Variants in DDC observed in about 807,000 individuals in gnomAD.
DDC encodes dopa decarboxylase.
A neutral mutation model predicts 60.0 loss-of-function variants in DDC; 43 were observed. The observed-to-expected ratio is 0.72, with a 90% CI of 0.56 to 0.92. The LOEUF (loss-of-function observed/expected upper bound fraction) is 0.92. Among genes scored for constraint, DDC ranks in the 40% least tolerant of loss-of-function variants. The pLI is 0.00. For missense variants in DDC, 573 were observed against 620.2 expected (o/e 0.92, Z 0.81); for synonymous variants, 232 against 234.6 (o/e 0.99, Z 0.10).
chr7:50,550,213 C>T (rs904753092), intron 1 of DDC, among the ~76,000 whole-genome samples: 1 of 152,202 alleles, frequency 6.6e-6, no homozygotes, highest in African/African-American at 2.4e-5. Context: ...AGTCAGCAGC[C>T]ATCGACATGG....
intron 1 of DDC, among the ~76,000 whole-genome samples, chr7:50,558,022 C>T (rs2045240002): frequency 6.6e-6 from 1 of 152,010 alleles, no homozygotes; most frequent in Admixed American, 6.6e-5. Flanking sequence ...TTTAACTTTT[C>T]TCCTTTGTTT....
chr7:50,491,785 C>T (rs1203440151), intron 9 of DDC, among the ~76,000 whole-genome samples: 16 of 152,132 alleles, frequency 1.1e-4, no homozygotes, highest in East Asian at 7.7e-4. Flanking sequence ...TCTCACAACA[C>T]GTGGATTCAG....
At chr7:50,460,570 C>T (rs530187578) in intron 14 of DDC, among the ~76,000 whole-genome samples, 3 of 151,488 alleles carry the variant, frequency 2.0e-5, no homozygotes, top group Non-Finnish European at 2.9e-5. Context: ...TCATTGAGAA[C>T]GGGCCATGAT....
intron 4 of DDC, among the ~76,000 whole-genome samples, chr7:50,533,073 G>T (rs896697054): frequency 3.9e-5 from 6 of 152,134 alleles, no homozygotes; most frequent in African/African-American, 1.4e-4. Flanking sequence ...AGAAAATCAT[G>T]GAGTAATACT....
rs113836231 is a variant in DDC, at chr7:50,502,861, T to C, written c.781+1132A>G. Among the ~76,000 whole-genome samples, 107 of 152,330 alleles carry C rather than the reference T, an allele frequency of 7.0e-4. 1 individual carries two copies. Among genetic ancestry groups the C allele is most frequent in the African/African-American group, 2.5e-3 (105 of 41,580 alleles). ...TATGAGCACAAGTGGGGTTTTTCTC[T>C]TCACTTTACAGACAGCATAAATGAA... On this transcript the variant is annotated intron_variant, in intron 7 of 14. Coordinates refer to ENST00000444124, the MANE Select transcript of DDC (RefSeq NM_001082971.2).
chr7:50,562,749 G>A (rs2045368988), intron 1 of DDC, among the ~76,000 whole-genome samples: 1 of 152,274 alleles, frequency 6.6e-6, no homozygotes, highest in East Asian at 1.9e-4. Flanking sequence ...ACACGGCTTG[G>A]GCTACACACC....
chr7:50,463,247 C>G lies in DDC; in HGVS notation c.1427G>C (p.Arg476Pro), dbSNP rs769418481. The G allele has an allele frequency of 6.2e-7, 1 of 1,612,998 alleles. No individual in the cohort carries two copies. The highest frequency in any genetic ancestry group is 1.3e-5 in the African/African-American group (1 of 74,922). ...HIKELAADVLRAERE is the reference protein window; with the variant it reads ...HIKELAADVLPAERE ...GCTTCACTCCTACTCCCTCTCTGCT[C>G]GCAGCACGTCGGCCGCCAGCTCTTT... Residue 476 changes from arginine to proline, a missense_variant, in exon 14 of 15, where the codon CGA becomes CCA. Transcript: ENST00000444124.
chr7:50,505,815 T>C (rs1459434017), intron 6 of DDC, among the ~76,000 whole-genome samples: 3 of 152,386 alleles, frequency 2.0e-5, no homozygotes, highest in East Asian at 1.9e-4. Flanking sequence ...CACTGAGCTA[T>C]GCCCAAGGGA....
Position 50,474,799 on chromosome 7 carries a change from C to T in DDC, c.1041+1825G>A, listed in dbSNP as rs150637621. On this transcript the variant is annotated intron_variant, in intron 11 of 14. Coordinates refer to ENST00000444124, the MANE Select transcript of DDC (RefSeq NM_001082971.2). ...ATGTGAACCAGAGATGGTGTTGTGC[C>T]TTTTTTTCTAATGATATCTAAGCTG... Among the ~76,000 whole-genome samples, 888 of 152,168 alleles carry T rather than the reference C, an allele frequency of 5.8e-3. 11 individuals carry two copies. The highest frequency in any genetic ancestry group is 0.019 in the African/African-American group (807 of 41,510).
chr7:50,551,200 G>A (rs1180340863), intron 1 of DDC, among the ~76,000 whole-genome samples: 2 of 148,000 alleles, frequency 1.4e-5, no homozygotes, highest in Non-Finnish European at 3.0e-5. Context: ...TCCATTTTAA[G>A]TTTAACCAGC....
chr7:50,556,299 T>C (rs1244023603), intron 1 of DDC, among the ~76,000 whole-genome samples: 2 of 152,200 alleles, frequency 1.3e-5, no homozygotes, highest in Non-Finnish European at 2.9e-5. Context: ...TGGTATCTGG[T>C]GAGGCTTGTT....
At chr7:50,509,300 G>A (rs1361084603) in intron 6 of DDC, among the ~76,000 whole-genome samples, 1 of 152,008 alleles carries the variant, frequency 6.6e-6, no homozygotes, top group African/African-American at 2.4e-5. Flanking sequence ...TGGTCTTTAG[G>A]GCAAAATTCC....
chr7:50,488,975 G>T (rs2042942989), intron 9 of DDC, among the ~76,000 whole-genome samples: 1 of 151,836 alleles, frequency 6.6e-6, no homozygotes, highest in Non-Finnish European at 1.5e-5. Context: ...TTAACTTAAA[G>T]ATCTAAACTG....
At chr7:50,550,679 G>C (rs73342830) in intron 1 of DDC, among the ~76,000 whole-genome samples, 1,526 of 152,264 alleles carry the variant, frequency 0.01, 23 homozygotes, top group African/African-American at 0.035. Context: ...AGGCCCTCCC[G>C]CTGTGGGCTC....
chr7:50,459,303 G>A (rs1446440819), intron 14 of DDC, among the ~76,000 whole-genome samples: 4 of 152,174 alleles, frequency 2.6e-5, no homozygotes, highest in Non-Finnish European at 5.9e-5. Flanking sequence ...ATCTCGGCTC[G>A]CTACAACCTC....
intron 9 of DDC, among the ~76,000 whole-genome samples, chr7:50,493,302 C>A (rs556467863): frequency 6.6e-6 from 1 of 152,278 alleles, no homozygotes; most frequent in African/African-American, 2.4e-5. Context: ...GCACGAGAAC[C>A]CCTCCTCCGG....
intron 1 of DDC, among the ~76,000 whole-genome samples, chr7:50,554,283 G>A (rs1354367486): frequency 6.6e-6 from 1 of 152,100 alleles, no homozygotes; most frequent in Non-Finnish European, 1.5e-5. Context: ...TCAGTAAAAT[G>A]TTTTCATTAA....
intron 1 of DDC, 156 bp from the exon 2 acceptor site, chr7:50,544,269 G>T: frequency 1.5e-6 from 1 of 664,554 alleles, no homozygotes; most frequent in East Asian, 2.7e-5. Flanking sequence ...CTCCATGTCT[G>T]TAGGAGGTAG....
intron 1 of DDC, among the ~76,000 whole-genome samples, chr7:50,555,368 CTA>C (rs142910117): frequency 6.6e-6 from 1 of 152,248 alleles, no homozygotes; most frequent in African/African-American, 2.4e-5. Flanking sequence ...TTGGTGAGAG[CTA>C]TTACTATGCT....
Sources: gnomAD v4.1 joint callset for allele counts (sites outside exome capture counted in the v4.1 genomes callset) on GRCh38, gnomAD v4.1.1 for gene constraint, MANE v1.5 for transcripts, NCBI Gene and HGNC (gene_info 2026-07-23, HGNC 2026-07-21) for gene names.